Variants in FIG4 observed in about 807,000 individuals in gnomAD.
FIG4 encodes FIG4 phosphoinositide 5-phosphatase, also known as polyphosphoinositide phosphatase.
A neutral mutation model predicts 118.6 loss-of-function variants in FIG4; 112 were observed. The ratio of observed to expected loss-of-function variants is 0.94; its 90% confidence interval spans 0.81 to 1.11. The LOEUF is 1.11. Ranked by LOEUF, FIG4 falls within the 50% of genes least tolerant of loss-of-function variation. FIG4 has a pLI of 0.00. For missense variants in FIG4, 969 were observed against 1,111.7 expected (o/e 0.87, Z 1.83); for synonymous variants, 369 against 381.2 (o/e 0.97, Z 0.37).
intron 4 of FIG4, among the ~76,000 whole-genome samples, chr6:109,731,130 C>T (rs897568089): frequency 6.6e-6 from 1 of 152,108 alleles, no homozygotes; most frequent in African/African-American, 2.4e-5. Context: ...TAAAAAGGTA[C>T]CATTTTATTC....
At chr6:109,773,551 C>A (rs181382053) in intron 15 of FIG4, among the ~76,000 whole-genome samples, 3 of 152,208 alleles carry the variant, frequency 2.0e-5, no homozygotes, top group Non-Finnish European at 4.4e-5. Flanking sequence ...CATCTGTCAA[C>A]AAATCTTGTT....
At chr6:109,696,502 C>G (rs1382349918) in intron 1 of FIG4, among the ~76,000 whole-genome samples, 2 of 152,068 alleles carry the variant, frequency 1.3e-5, no homozygotes, top group African/African-American at 4.8e-5. Flanking sequence ...TGTGAATTGA[C>G]AGGTGAATGG....
intron 11 of FIG4, among the ~76,000 whole-genome samples, chr6:109,761,293 C>T (rs768059437): frequency 1.3e-5 from 2 of 152,136 alleles, no homozygotes; most frequent in Non-Finnish European, 2.9e-5. Context: ...CGGGTTCAAG[C>T]GATTCTCCTG....
chr6:109,754,618 T>G (rs202174324), intron 10 of FIG4, among the ~76,000 whole-genome samples: 3 of 152,072 alleles, frequency 2.0e-5, no homozygotes, highest in Admixed American at 1.3e-4. Flanking sequence ...CAATTTCAGA[T>G]CCTGTTATTG....
chr6:109,727,404 T>G, intron 4 of FIG4, 139 bp downstream of exon 4: 1 of 706,084 alleles, frequency 1.4e-6, no homozygotes, highest in Non-Finnish European at 2.5e-6. Context: ...TTTTTTTTAA[T>G]GTCGTAGATC....
chr6:109,726,940 A>T (rs186951145), intron 3 of FIG4, among the ~76,000 whole-genome samples, 169 bp from the exon 4 acceptor site: 1 of 152,176 alleles, frequency 6.6e-6, no homozygotes, highest in Non-Finnish European at 1.5e-5. Flanking sequence ...AAATGTCAGT[A>T]TAGATAGTCT....
At chr6:109,795,041 T>C (rs2128397991) in intron 21 of FIG4, among the ~76,000 whole-genome samples, 1 of 151,420 alleles carries the variant, frequency 6.6e-6, no homozygotes, top group Non-Finnish European at 1.5e-5. Flanking sequence ...GTTTGCTATT[T>C]TACCAGACCT....
intron 1 of FIG4, among the ~76,000 whole-genome samples, chr6:109,708,788 A>G (rs1309564477): frequency 1.3e-5 from 2 of 151,856 alleles, no homozygotes; most frequent in Admixed American, 6.6e-5. Context: ...GTGTCTGTTC[A>G]TGTCCTTTGC....
chr6:109,726,449 A>G (rs1452674894), intron 3 of FIG4, among the ~76,000 whole-genome samples: 1 of 151,878 alleles, frequency 6.6e-6, no homozygotes, highest in Admixed American at 6.6e-5. Context: ...GTTCTGTTCC[A>G]TTGGTCTATA....
Position 109,703,089 on chromosome 6 carries a change from A to C in FIG4, c.66+11588A>C, listed in dbSNP as rs528154468. Among the ~76,000 whole-genome samples, 176 of 143,654 alleles carry C rather than the reference A, an allele frequency of 1.2e-3. 2 individuals are homozygous for C. Among genetic ancestry groups the C allele is most frequent in the Middle Eastern group, 3.9e-3 (1 of 258 alleles). The allele number at this position is 143,654 out of a possible 152,430, so 94.2% of individuals were successfully genotyped here. On this transcript the variant is annotated intron_variant, in intron 1 of 22. Coordinates refer to ENST00000230124, the MANE Select transcript of FIG4 (RefSeq NM_014845.6). Reference sequence around the variant, plus strand: ...TTAATTACTTCATGAGAAAGGGTTCATAGAAGTTCATTTTTTTTTTAAGCC... The same window carrying C: ...TTAATTACTTCATGAGAAAGGGTTCCTAGAAGTTCATTTTTTTTTTAAGCC...
intron 12 of FIG4, among the ~76,000 whole-genome samples, chr6:109,762,706 A>C (rs1029751308): frequency 6.6e-6 from 1 of 151,848 alleles, no homozygotes; most frequent in Admixed American, 6.6e-5. Context: ...TACAATCATA[A>C]GACAATAAAA....
chr6:109,813,260 C>G (rs530708184), intron 22 of FIG4, among the ~76,000 whole-genome samples: 32 of 152,154 alleles, frequency 2.1e-4, no homozygotes, highest in Non-Finnish European at 3.4e-4. Flanking sequence ...TCCTCTCTCT[C>G]TCTACCACTT....
At chr6:109,745,018 C>T (rs1434298052) in intron 10 of FIG4, among the ~76,000 whole-genome samples, 1 of 152,120 alleles carries the variant, frequency 6.6e-6, no homozygotes, top group East Asian at 1.9e-4. Flanking sequence ...ATATGTGTCA[C>T]ATTTTCTTTA....
chr6:109,778,863 T>C (rs1015337088), intron 16 of FIG4, among the ~76,000 whole-genome samples: 1 of 152,214 alleles, frequency 6.6e-6, no homozygotes, highest in East Asian at 1.9e-4. Flanking sequence ...CCTCCCAAAG[T>C]GCTGGGATTA....
intron 22 of FIG4, among the ~76,000 whole-genome samples, chr6:109,800,852 C>T (rs1040979637): frequency 1.3e-5 from 2 of 152,122 alleles, no homozygotes; most frequent in Admixed American, 6.5e-5. Flanking sequence ...AAAAAATAAG[C>T]ACACCAAGTT....
chr6:109,744,219 T>C (rs1235516866), intron 10 of FIG4, among the ~76,000 whole-genome samples: 1 of 152,116 alleles, frequency 6.6e-6, no homozygotes, highest in Non-Finnish European at 1.5e-5. Flanking sequence ...GCTAGATTCA[T>C]AAACTGGGGT....
chr6:109,823,740 TC>T (rs1018067451), intron 22 of FIG4, among the ~76,000 whole-genome samples: 2 of 152,270 alleles, frequency 1.3e-5, no homozygotes, highest in Middle Eastern at 3.4e-3. Flanking sequence ...AGGGTGCATT[TC>T]TGATTCCTCT....
At chr6:109,730,713 G>T (rs1265907829) in intron 4 of FIG4, among the ~76,000 whole-genome samples, 9 of 152,132 alleles carry the variant, frequency 5.9e-5, no homozygotes, top group Non-Finnish European at 1.0e-4. Flanking sequence ...TGGTTTTCCA[G>T]TTGGACAAAA....
chr6:109,778,042 A>T (rs1309125323), intron 16 of FIG4, among the ~76,000 whole-genome samples: 1 of 152,110 alleles, frequency 6.6e-6, no homozygotes, highest in African/African-American at 2.4e-5. Context: ...CATGAACAAA[A>T]TTTTTTACAT....
Sources: gnomAD v4.1 joint callset for allele counts (sites outside exome capture counted in the v4.1 genomes callset) on GRCh38, gnomAD v4.1.1 for gene constraint, MANE v1.5 for transcripts, NCBI Gene and HGNC (gene_info 2026-07-23, HGNC 2026-07-21) for gene names.